Variants in TRHDE observed in about 807,000 individuals in gnomAD.
TRHDE encodes thyrotropin-releasing hormone-degrading ectoenzyme.
Under a neutral mutation model 125.7 loss-of-function variants are expected in TRHDE, and 72 were observed. That is an observed-to-expected ratio of 0.57 (90% confidence interval 0.47 to 0.70). The LOEUF (loss-of-function observed/expected upper bound fraction) is 0.70, where lower values mean the gene tolerates loss of function less well. Among genes scored for constraint, TRHDE ranks in the 30% least tolerant of loss-of-function variants. TRHDE has a pLI of 0.00. For missense variants in TRHDE, 1,110 were observed against 1,327.1 expected, an observed-to-expected ratio of 0.84 and a Z score of 2.54; for synonymous variants, 509 against 509.1, an observed-to-expected ratio of 1.00 and a Z score of 0.00.
chr12:72,590,705 G>A (rs1040167102), intron 12 of TRHDE, among the ~76,000 whole-genome samples: 6 of 151,956 alleles, frequency 3.9e-5, no homozygotes, highest in Admixed American at 6.6e-5. Context: ...AAATATCTCT[G>A]TATCTTTACA....
chr12:72,157,354 A>G (rs1876540276), intron 2 of TRHDE, among the ~76,000 whole-genome samples: 2 of 152,178 alleles, frequency 1.3e-5, no homozygotes. Context: ...GAAGAGTGAC[A>G]TTATCTCATG....
chr12:72,369,740 C>T (rs192073250), intron 2 of TRHDE, among the ~76,000 whole-genome samples: 43 of 152,188 alleles, frequency 2.8e-4, no homozygotes, highest in Admixed American at 6.5e-4. Flanking sequence ...TCCTTTCCAC[C>T]GGACTAAATG....
intron 2 of TRHDE, among the ~76,000 whole-genome samples, chr12:72,175,718 A>G (rs1876972745): frequency 6.6e-6 from 1 of 152,234 alleles, no homozygotes; most frequent in Non-Finnish European, 1.5e-5. Flanking sequence ...ACAGCCCATT[A>G]AAAGTATACT....
chr12:72,121,720 C>CTTTT (rs57483232), intron 2 of TRHDE, among the ~76,000 whole-genome samples: 10 of 111,948 alleles, frequency 8.9e-5, no homozygotes, highest in Non-Finnish European at 1.3e-4. Flanking sequence ...ACGAAGGTGC[C>CTTTT]TTTTTTTTTT....
intron 2 of TRHDE, among the ~76,000 whole-genome samples, chr12:72,242,006 A>G (rs1169833155): frequency 6.6e-6 from 1 of 152,128 alleles, no homozygotes; most frequent in Non-Finnish European, 1.5e-5. Flanking sequence ...TTATTTTGTT[A>G]TTGAGTTATA....
chr12:72,564,902 G>A (rs1321907053), intron 9 of TRHDE, among the ~76,000 whole-genome samples: 3 of 151,880 alleles, frequency 2.0e-5, no homozygotes, highest in South Asian at 2.1e-4. Context: ...TCCTGACCTC[G>A]TGACCCACCC....
chr12:72,411,775 G>A (rs1029399214), intron 3 of TRHDE, among the ~76,000 whole-genome samples: 1 of 152,124 alleles, frequency 6.6e-6, no homozygotes, highest in Non-Finnish European at 1.5e-5. Flanking sequence ...GTGGCATGGG[G>A]CTAGGCAAGT....
chr12:72,663,232 G>A lies in TRHDE; in HGVS notation c.*37G>A. ...TATAAACAAACAATTCAACTCAGAA[G>A]TTTATGAGAAGACACGCTTTTTGTG... On this transcript the variant is annotated 3_prime_UTR_variant, in exon 19 of 19. Coordinates refer to ENST00000261180, the MANE Select transcript of TRHDE (RefSeq NM_013381.3). The A allele has an allele frequency of 6.7e-7, 1 of 1,497,148 alleles. No individual in the cohort carries two copies. The highest frequency in any genetic ancestry group is 9.0e-7 in the Non-Finnish European group (1 of 1,112,156). The allele number at this position is 1,497,148 out of a possible 1,614,324, so 92.7% of individuals were successfully genotyped here.
chr12:72,656,187 T>C (rs1285184858), intron 17 of TRHDE, among the ~76,000 whole-genome samples: 3 of 152,108 alleles, frequency 2.0e-5, no homozygotes, highest in African/African-American at 7.2e-5. Flanking sequence ...CTGACACAAG[T>C]TGTTCCTTGT....
chr12:72,181,053 A>G (rs961333226), intron 2 of TRHDE, among the ~76,000 whole-genome samples: 1 of 152,186 alleles, frequency 6.6e-6, no homozygotes, highest in African/African-American at 2.4e-5. Context: ...TCTTGGTAAC[A>G]AATAAGAAGG....
At chr12:72,394,725 G>C (rs531276190) in intron 3 of TRHDE, among the ~76,000 whole-genome samples, 2 of 152,214 alleles carry the variant, frequency 1.3e-5, no homozygotes, top group African/African-American at 4.8e-5. Context: ...CAGCATACAA[G>C]CCTACAAGTG....
chr12:72,612,151 A>T (rs1872655745), intron 12 of TRHDE, among the ~76,000 whole-genome samples: 2 of 152,098 alleles, frequency 1.3e-5, no homozygotes, highest in African/African-American at 4.8e-5. Flanking sequence ...CTGTTTCCTC[A>T]GTCAGTATTC....
intron 2 of TRHDE, among the ~76,000 whole-genome samples, chr12:72,244,789 G>A (rs921208972): frequency 1.3e-5 from 2 of 152,014 alleles, no homozygotes; most frequent in Non-Finnish European, 2.9e-5. Context: ...AGAAAAAAAG[G>A]AATGATATAA....
intron 2 of TRHDE, among the ~76,000 whole-genome samples, chr12:72,318,861 G>GATA (rs1565696734): frequency 3.9e-5 from 6 of 152,046 alleles, no homozygotes; most frequent in Non-Finnish European, 8.8e-5. Flanking sequence ...ATTTTGTAAT[G>GATA]GTTACTCTAT....
chr12:72,106,112 A>G (rs550446481), intron 2 of TRHDE, among the ~76,000 whole-genome samples: 16 of 152,268 alleles, frequency 1.1e-4, no homozygotes, highest in Admixed American at 7.2e-4. Context: ...CTGCAACATC[A>G]GAGGGTTGTG....
At chr12:72,364,985 G>C (rs1243069375) in intron 2 of TRHDE, among the ~76,000 whole-genome samples, 1 of 152,074 alleles carries the variant, frequency 6.6e-6, no homozygotes, top group Non-Finnish European at 1.5e-5. Flanking sequence ...CTACAAAAGA[G>C]GTAGTCTGTT....
intron 1 of TRHDE, among the ~76,000 whole-genome samples, chr12:72,097,466 T>A (rs1457086589): frequency 7.6e-6 from 1 of 131,690 alleles, no homozygotes; most frequent in African/African-American, 2.7e-5. Flanking sequence ...TTTTTTTTTT[T>A]TAGACAGAGT....
At chr12:72,604,494 T>C (rs751332552) in intron 12 of TRHDE, among the ~76,000 whole-genome samples, 64 of 152,074 alleles carry the variant, frequency 4.2e-4, no homozygotes, top group Non-Finnish European at 8.1e-4. Flanking sequence ...TATTAAATAA[T>C]AACAACAATG....
chr12:72,173,637 T>TA (rs1460297652), intron 2 of TRHDE, among the ~76,000 whole-genome samples: 1 of 152,112 alleles, frequency 6.6e-6, no homozygotes, highest in African/African-American at 2.4e-5. Flanking sequence ...CAATGGGACT[T>TA]AAAAAAGGAT....
Sources: allele counts gnomAD v4.1 joint callset (sites outside exome capture counted in the v4.1 genomes callset), GRCh38; gene constraint gnomAD v4.1.1; transcripts MANE v1.5; gene names NCBI Gene and HGNC (gene_info 2026-07-23, HGNC 2026-07-21).